The following ADAMTS12 variants were observed in gnomAD, a reference collection of about 807,000 sequenced individuals.
ADAMTS12 encodes ADAM metallopeptidase with thrombospondin type 1 motif 12.
A neutral mutation model predicts 167.8 loss-of-function variants in ADAMTS12; 118 were observed. The ratio of observed to expected loss-of-function variants is 0.70; its 90% confidence interval spans 0.61 to 0.82. The LOEUF (loss-of-function observed/expected upper bound fraction) is 0.82. Ranked by LOEUF, ADAMTS12 falls within the 40% of genes least tolerant of loss-of-function variation. The pLI is 0.00. For synonymous variants in ADAMTS12, 704 were observed against 716.9 expected (o/e 0.98, Z 0.29); for missense variants, 1,916 against 1,998.8 (o/e 0.96, Z 0.79).
intron 19 of ADAMTS12, among the ~76,000 whole-genome samples, chr5:33,563,897 T>A (rs1701725719): frequency 6.6e-6 from 1 of 152,196 alleles, no homozygotes; most frequent in Non-Finnish European, 1.5e-5. Context: ...ATTATCATCA[T>A]CCTCATTTCA....
intron 2 of ADAMTS12, among the ~76,000 whole-genome samples, chr5:33,786,607 C>T (rs562004990): frequency 2.6e-5 from 4 of 152,204 alleles, no homozygotes; most frequent in Admixed American, 6.5e-5. Flanking sequence ...AAGCATATTA[C>T]CCCTGAGAAC....
chr5:33,695,231 C>A (rs534764960), intron 3 of ADAMTS12, among the ~76,000 whole-genome samples: 8 of 152,302 alleles, frequency 5.3e-5, no homozygotes, highest in African/African-American at 1.9e-4. Context: ...AGAGCCTTGT[C>A]TTTAATCAGC....
At chr5:33,609,511 C>T (rs767185430) in intron 16 of ADAMTS12, among the ~76,000 whole-genome samples, 10 of 151,704 alleles carry the variant, frequency 6.6e-5, no homozygotes, top group Non-Finnish European at 1.0e-4. Flanking sequence ...GCTGGGACTA[C>T]AGGCGCCCAC....
At chr5:33,832,260 C>G (rs1256125302) in intron 2 of ADAMTS12, among the ~76,000 whole-genome samples, 1 of 152,098 alleles carries the variant, frequency 6.6e-6, no homozygotes, top group African/African-American at 2.4e-5. Flanking sequence ...AAGTTGTGCC[C>G]CTGACTCCTT....
intron 2 of ADAMTS12, among the ~76,000 whole-genome samples, chr5:33,847,646 AG>A: frequency 6.6e-6 from 1 of 152,142 alleles, no homozygotes; most frequent in East Asian, 1.9e-4. Flanking sequence ...AAAGAAAGAA[AG>A]AAAAGGAAGT....
chr5:33,745,487 G>A (rs1744750334), intron 3 of ADAMTS12, among the ~76,000 whole-genome samples: 1 of 152,122 alleles, frequency 6.6e-6, no homozygotes, highest in African/African-American at 2.4e-5. Context: ...TCCCACCTTA[G>A]AATGCCTCCC....
At position 33,568,979 on chromosome 5, in the gene ADAMTS12, G is replaced by T. The variant is rs1055946564; in HGVS notation, c.3972+7075C>A. 3.3e-5 allele frequency among the ~76,000 whole-genome samples: 5 copies of T among 152,254 alleles called. No individual in the cohort carries two copies. In the South Asian group the frequency reaches 6.2e-4, roughly 19 times the overall value. Reference sequence around the variant, plus strand: ...CCTTGGAGGGTCCTACGCCCACGGAGTCTCGCTGATTGCTAGCACAGCAGT... The same window carrying T: ...CCTTGGAGGGTCCTACGCCCACGGATTCTCGCTGATTGCTAGCACAGCAGT... On this transcript the variant is annotated intron_variant, in intron 19 of 23. Transcript: ENST00000504830.
At chr5:33,702,511 T>G (rs954461493) in intron 3 of ADAMTS12, among the ~76,000 whole-genome samples, 1 of 152,224 alleles carries the variant, frequency 6.6e-6, no homozygotes, top group African/African-American at 2.4e-5. Flanking sequence ...GTAACTTCCC[T>G]GATCCTTCAT....
At chr5:33,880,977 C>T in intron 2 of ADAMTS12, 142 bp downstream of exon 2, 1 of 1,273,798 alleles carries the variant, frequency 7.9e-7, no homozygotes, top group South Asian at 1.5e-5. Flanking sequence ...TTCTCGCCAA[C>T]CACTTTGGAG....
chr5:33,597,207 G>A (rs1462850480), intron 16 of ADAMTS12, among the ~76,000 whole-genome samples: 2 of 152,200 alleles, frequency 1.3e-5, no homozygotes, highest in Non-Finnish European at 2.9e-5. Flanking sequence ...GGAATGTAGA[G>A]GAGTGGCCAG....
intron 2 of ADAMTS12, among the ~76,000 whole-genome samples, chr5:33,798,488 T>G (rs1318340481): frequency 7.1e-6 from 1 of 141,134 alleles, no homozygotes; most frequent in African/African-American, 2.7e-5. Flanking sequence ...TCACCCAGGC[T>G]GGAATGCAAT....
At chr5:33,885,036 T>G (rs927104954) in intron 1 of ADAMTS12, among the ~76,000 whole-genome samples, 8 of 152,220 alleles carry the variant, frequency 5.3e-5, no homozygotes, top group African/African-American at 1.2e-4. Context: ...TGAAAAGAGT[T>G]GAAAATATCT....
chr5:33,889,662 G>A (rs1750773439), intron 1 of ADAMTS12, among the ~76,000 whole-genome samples: 1 of 152,156 alleles, frequency 6.6e-6, no homozygotes, highest in South Asian at 2.1e-4. Flanking sequence ...TTTAAAAACT[G>A]AAATTATTGG....
intron 1 of ADAMTS12, among the ~76,000 whole-genome samples, chr5:33,887,207 C>T (rs1251390104): frequency 6.6e-6 from 1 of 152,170 alleles, no homozygotes; most frequent in East Asian, 1.9e-4. Context: ...TTTCTATGGT[C>T]AAGTACTACA....
intron 3 of ADAMTS12, among the ~76,000 whole-genome samples, chr5:33,720,639 A>G (rs1041269270): frequency 1.3e-5 from 2 of 152,232 alleles, no homozygotes; most frequent in African/African-American, 4.8e-5. Flanking sequence ...GTGGGATTAC[A>G]TATTCCATTA....
intron 2 of ADAMTS12, among the ~76,000 whole-genome samples, chr5:33,800,230 G>A (rs1746946584): frequency 6.6e-6 from 1 of 152,192 alleles, no homozygotes. Context: ...TAAGTTCAAG[G>A]CACCATACCA....
intron 3 of ADAMTS12, among the ~76,000 whole-genome samples, chr5:33,711,552 C>T (rs1020714586): frequency 6.6e-6 from 1 of 152,108 alleles, no homozygotes; most frequent in Non-Finnish European, 1.5e-5. Flanking sequence ...CTGCATGATG[C>T]TCCAGGCACC....
chr5:33,573,812 C>A (rs1371906760), intron 19 of ADAMTS12, among the ~76,000 whole-genome samples: 1 of 152,114 alleles, frequency 6.6e-6, no homozygotes, highest in East Asian at 1.9e-4. Flanking sequence ...AACAGGCAAC[C>A]TACAAAATGG....
chr5:33,769,916 T>C (rs1180416634), intron 2 of ADAMTS12, among the ~76,000 whole-genome samples: 1 of 152,210 alleles, frequency 6.6e-6, no homozygotes, highest in Non-Finnish European at 1.5e-5. Context: ...ACTATATGCA[T>C]GATTCCACAG....
Sources: gnomAD v4.1 joint callset for allele counts (sites outside exome capture counted in the v4.1 genomes callset) on GRCh38, gnomAD v4.1.1 for gene constraint, MANE v1.5 for transcripts, NCBI Gene and HGNC (gene_info 2026-07-23, HGNC 2026-07-21) for gene names.